TAFA2: variants seen among roughly 807,000 people sequenced by gnomAD.
TAFA2 encodes the protein chemokine-like protein TAFA-2.
TAFA2 carries 7 observed loss-of-function variants against 18.8 expected under a neutral mutation model. The ratio of observed to expected loss-of-function variants is 0.37; its 90% CI spans 0.21 to 0.70. The LOEUF is 0.70. TAFA2 is among the 30% of genes least tolerant of loss of function. The probability of loss-of-function intolerance (pLI) is 0.53; values close to 1 mark genes in which losing one functional copy is unlikely to be tolerated. For missense variants in TAFA2, 122 were observed against 158.1 expected, an observed-to-expected ratio of 0.77 and a Z score of 1.23; for synonymous variants, 60 against 54.2, an observed-to-expected ratio of 1.11 and a Z score of -0.47.
At position 61,974,258 on chromosome 12, in the gene TAFA2, A is replaced by C. The variant is rs1039904396; in HGVS notation, c.-1-106832T>G. 2.6e-5 allele frequency among the ~76,000 whole-genome samples: 4 copies of C among 151,790 alleles called. No individual in the cohort carries two copies. In the East Asian group the frequency reaches 7.8e-4, roughly 29 times the overall value. ...GTTTAAGAAAATTTAAAAAGAAAGAATATTACTGATAGAAAAAGTTTTCCA... is the reference window on the plus strand; with the variant it reads ...GTTTAAGAAAATTTAAAAAGAAAGACTATTACTGATAGAAAAAGTTTTCCA... On this transcript the variant is annotated intron_variant, in intron 1 of 4. Coordinates refer to ENST00000416284, the MANE Select transcript of TAFA2 (RefSeq NM_178539.5).
chr12:61,719,061 T>C (rs1869782805), intron 4 of TAFA2, among the ~76,000 whole-genome samples: 1 of 152,142 alleles, frequency 6.6e-6, no homozygotes, highest in Non-Finnish European at 1.5e-5. Context: ...TTGCAAAAAC[T>C]GTATCAGGAA....
chr12:62,195,961 T>C (rs1345733333), upstream of TAFA2, among the ~76,000 whole-genome samples: 5 of 152,200 alleles, frequency 3.3e-5, no homozygotes. Flanking sequence ...GGATGTTTAT[T>C]TACATTGAAA....
chr12:61,984,120 T>C (rs1411891542), intron 1 of TAFA2, among the ~76,000 whole-genome samples: 2 of 152,246 alleles, frequency 1.3e-5, no homozygotes, highest in African/African-American at 4.8e-5. Context: ...ACACCACGTA[T>C]ATCTTCCCAC....
intron 1 of TAFA2, among the ~76,000 whole-genome samples, chr12:62,167,393 A>G (rs1248509516): frequency 6.6e-6 from 1 of 152,234 alleles, no homozygotes; most frequent in African/African-American, 2.4e-5. Flanking sequence ...GAAACTGTTA[A>G]CTAATGTTAC....
At chr12:62,138,541 G>C (rs955608599) in intron 1 of TAFA2, among the ~76,000 whole-genome samples, 8 of 152,300 alleles carry the variant, frequency 5.3e-5, no homozygotes, top group African/African-American at 1.9e-4. Context: ...ATTAATGTTT[G>C]ATGAATGAAT....
intron 2 of TAFA2, among the ~76,000 whole-genome samples, chr12:61,805,708 A>G (rs983854172): frequency 6.6e-6 from 1 of 152,158 alleles, no homozygotes. Context: ...TATTTAGTAG[A>G]TTAATGTGGA....
At chr12:61,798,722 A>C (rs1328340722) in intron 2 of TAFA2, among the ~76,000 whole-genome samples, 2 of 152,252 alleles carry the variant, frequency 1.3e-5, no homozygotes, top group East Asian at 3.8e-4. Context: ...AAGTAATGAG[A>C]GTACAATAGG....
At chr12:61,743,746 C>T (rs764260640) in intron 4 of TAFA2, among the ~76,000 whole-genome samples, 1 of 152,104 alleles carries the variant, frequency 6.6e-6, no homozygotes, top group Non-Finnish European at 1.5e-5. Context: ...ATCTTCACCC[C>T]ACTCTCCAGA....
At chr12:62,244,873 T>C (rs2062877844) in intron 1 of TAFA2, among the ~76,000 whole-genome samples, 1 of 152,184 alleles carries the variant, frequency 6.6e-6, no homozygotes, top group South Asian at 2.1e-4. Context: ...GGTAAATTTA[T>C]CTATCTTTTG....
chr12:62,079,088 C>T (rs1237689051), intron 1 of TAFA2, among the ~76,000 whole-genome samples: 1 of 152,142 alleles, frequency 6.6e-6, no homozygotes, highest in African/African-American at 2.4e-5. Flanking sequence ...ACTGAGTTTA[C>T]GATGCCATGT....
intron 1 of TAFA2, among the ~76,000 whole-genome samples, chr12:62,202,919 CT>C (rs1437043735): frequency 6.6e-6 from 1 of 151,288 alleles, no homozygotes; most frequent in Non-Finnish European, 1.5e-5. Context: ...CCTCCACCCC[CT>C]GGCTCAAGTA....
intron 4 of TAFA2, among the ~76,000 whole-genome samples, chr12:61,741,270 CT>C (rs1189256038): frequency 1.3e-5 from 2 of 150,424 alleles, no homozygotes; most frequent in Non-Finnish European, 3.0e-5. Context: ...TCTCTCTGCT[CT>C]GTGTGTGTGT....
chr12:62,034,911 T>C (rs771686316), intron 1 of TAFA2, among the ~76,000 whole-genome samples: 1 of 152,172 alleles, frequency 6.6e-6, no homozygotes, highest in Non-Finnish European at 1.5e-5. Context: ...TTGAAAGTTA[T>C]ATGTAATTGA....
At chr12:61,869,490 C>A (rs754584708) in intron 1 of TAFA2, among the ~76,000 whole-genome samples, 8 of 152,136 alleles carry the variant, frequency 5.3e-5, no homozygotes, top group Non-Finnish European at 1.2e-4. Context: ...GTTCCACAGA[C>A]TGTTATTAAA....
At chr12:61,888,673 G>T (rs1875496397) in intron 1 of TAFA2, among the ~76,000 whole-genome samples, 1 of 152,106 alleles carries the variant, frequency 6.6e-6, no homozygotes, top group Non-Finnish European at 1.5e-5. Flanking sequence ...AAAAATTAGG[G>T]TCCCCAAGCA....
At chr12:62,187,898 A>G (rs190099909) in intron 1 of TAFA2, among the ~76,000 whole-genome samples, 224 of 152,326 alleles carry the variant, frequency 1.5e-3, no homozygotes, top group African/African-American at 5.1e-3. Flanking sequence ...CGATGGAATA[A>G]TTAAATAGTT....
intron 2 of TAFA2, among the ~76,000 whole-genome samples, chr12:61,810,918 C>T (rs893743676): frequency 6.6e-6 from 1 of 151,226 alleles, no homozygotes; most frequent in African/African-American, 2.5e-5. Flanking sequence ...AACCTACCAC[C>T]ATTCCTGCCA....
chr12:61,983,373 C>T (rs1193640726), intron 1 of TAFA2, among the ~76,000 whole-genome samples: 3 of 145,758 alleles, frequency 2.1e-5, no homozygotes, highest in Non-Finnish European at 4.6e-5. Context: ...TGCTAGGTCC[C>T]TGGGATTCTG....
chr12:61,890,169 G>A (rs1480994263), intron 1 of TAFA2, among the ~76,000 whole-genome samples: 3 of 152,226 alleles, frequency 2.0e-5, no homozygotes, highest in African/African-American at 7.2e-5. Flanking sequence ...AGGCTTCCCA[G>A]TGCAAACTGG....
Sources: allele counts gnomAD v4.1 joint callset (sites outside exome capture counted in the v4.1 genomes callset), GRCh38; gene constraint gnomAD v4.1.1; transcripts MANE v1.5; gene names NCBI Gene and HGNC (gene_info 2026-07-23, HGNC 2026-07-21).